The following SORCS1 variants were observed in gnomAD, a reference collection of about 807,000 sequenced individuals.
SORCS1 encodes the protein sortilin related VPS10 domain containing receptor 1.
SORCS1 carries 60 observed loss-of-function variants against 146.1 expected under a neutral mutation model. That is an observed-to-expected ratio of 0.41 (90% confidence interval 0.33 to 0.51). The LOEUF is 0.51. SORCS1 is among the 20% of genes least tolerant of loss of function. The pLI is 0.21. For missense variants in SORCS1, 1,352 were observed against 1,487.6 expected (o/e 0.91, Z 1.50); for synonymous variants, 637 against 584.0 (o/e 1.09, Z -1.31).
intron 1 of SORCS1, among the ~76,000 whole-genome samples, chr10:106,977,107 T>C (rs533904951): frequency 4.4e-4 from 67 of 152,330 alleles, no homozygotes; most frequent in African/African-American, 1.5e-3. Flanking sequence ...CCCTGAGGAA[T>C]CACCACACTG....
chr10:106,773,368 G>A (rs878182), intron 4 of SORCS1, among the ~76,000 whole-genome samples: 38,075 of 152,002 alleles, frequency 0.25, 5,050 homozygotes, highest in Non-Finnish European at 0.29. Flanking sequence ...TTTTATTTCC[G>A]TATCACTGAC....
chr10:107,146,573 G>A (rs976212567), intron 1 of SORCS1, among the ~76,000 whole-genome samples: 1 of 152,016 alleles, frequency 6.6e-6, no homozygotes, highest in Admixed American at 6.5e-5. Context: ...TGTATGTCAG[G>A]TATACACCAG....
chr10:106,706,036 C>T (rs112886505), intron 8 of SORCS1, among the ~76,000 whole-genome samples: 53 of 152,262 alleles, frequency 3.5e-4, no homozygotes, highest in African/African-American at 1.2e-3. Context: ...CAGAAATGGA[C>T]GGCAGCTGTT....
intron 18 of SORCS1, among the ~76,000 whole-genome samples, chr10:106,647,564 A>C (rs1849541941): frequency 6.6e-6 from 1 of 152,230 alleles, no homozygotes; most frequent in Non-Finnish European, 1.5e-5. Flanking sequence ...TGGAACCACA[A>C]ATAGTCAATT....
intron 19 of SORCS1, among the ~76,000 whole-genome samples, chr10:106,627,720 T>C (rs978687150): frequency 1.3e-5 from 2 of 152,216 alleles, no homozygotes; most frequent in African/African-American, 2.4e-5. Flanking sequence ...ACACTGCTTC[T>C]AACCAAAATG....
At chr10:106,704,425 C>CAA (rs1854360420) in intron 8 of SORCS1, among the ~76,000 whole-genome samples, 1 of 152,030 alleles carries the variant, frequency 6.6e-6, no homozygotes, top group African/African-American at 2.4e-5. Context: ...GGCTCAGTGG[C>CAA]TCACACCTGT....
At chr10:107,093,469 T>C (rs993389561) in intron 1 of SORCS1, among the ~76,000 whole-genome samples, 1 of 152,092 alleles carries the variant, frequency 6.6e-6, no homozygotes, top group African/African-American at 2.4e-5. Flanking sequence ...GGTCAAGAGA[T>C]AGAAACCATC....
intron 3 of SORCS1, among the ~76,000 whole-genome samples, chr10:106,817,062 C>T (rs1947781518): frequency 6.6e-6 from 1 of 152,160 alleles, no homozygotes; most frequent in Non-Finnish European, 1.5e-5. Flanking sequence ...TTAAATAATG[C>T]ACTAATAAAG....
At chr10:107,148,904 C>T (rs1272725485) in intron 1 of SORCS1, among the ~76,000 whole-genome samples, 2 of 152,158 alleles carry the variant, frequency 1.3e-5, no homozygotes, top group Admixed American at 1.3e-4. Context: ...TCTTTCTTAC[C>T]TAATTTTTGT....
At chr10:107,160,395 A>G (rs1368237381) in intron 1 of SORCS1, among the ~76,000 whole-genome samples, 1 of 152,182 alleles carries the variant, frequency 6.6e-6, no homozygotes, top group African/African-American at 2.4e-5. Context: ...AATGACAATA[A>G]TAACACCTAC....
chr10:106,653,531 T>A (rs821963), intron 17 of SORCS1, among the ~76,000 whole-genome samples: 149,177 of 152,294 alleles, frequency 0.98, 73,127 homozygotes, highest in East Asian at 1. Flanking sequence ...CAACTACTTA[T>A]CTCTGCACTT....
chr10:106,877,029 C>A (rs139257545), intron 2 of SORCS1, among the ~76,000 whole-genome samples: 264 of 152,270 alleles, frequency 1.7e-3, no homozygotes, highest in African/African-American at 6.0e-3. Context: ...AGACATTTAC[C>A]TAATGATTCT....
chr10:107,018,575 T>C (rs546087295), intron 1 of SORCS1, among the ~76,000 whole-genome samples: 2 of 152,202 alleles, frequency 1.3e-5, no homozygotes, highest in East Asian at 1.9e-4. Flanking sequence ...TCCTATGTCA[T>C]ATAAAACTTA....
intron 5 of SORCS1, among the ~76,000 whole-genome samples, chr10:106,742,288 C>T (rs1317277706): frequency 1.3e-5 from 2 of 152,174 alleles, no homozygotes; most frequent in African/African-American, 4.8e-5. Context: ...TCTACATATA[C>T]ATACTGAGAT....
chr10:107,006,014 C>T (rs1957428005), intron 1 of SORCS1, among the ~76,000 whole-genome samples: 1 of 152,102 alleles, frequency 6.6e-6, no homozygotes, highest in Non-Finnish European at 1.5e-5. Context: ...TTTTGACCCA[C>T]CTCCCCTTCA....
chr10:107,144,900 T>C (rs542285256), intron 1 of SORCS1, among the ~76,000 whole-genome samples: 1 of 152,184 alleles, frequency 6.6e-6, no homozygotes, highest in Non-Finnish European at 1.5e-5. Context: ...GTGACAAATA[T>C]CCACATCACG....
intron 2 of SORCS1, among the ~76,000 whole-genome samples, chr10:106,901,323 G>T (rs970925625): frequency 6.6e-6 from 1 of 152,142 alleles, no homozygotes; most frequent in African/African-American, 2.4e-5. Flanking sequence ...ATGCAAACCA[G>T]ACATGGTAGA....
chr10:106,626,593 T>C (rs1237442217), intron 19 of SORCS1, among the ~76,000 whole-genome samples: 2 of 152,182 alleles, frequency 1.3e-5, no homozygotes, highest in African/African-American at 4.8e-5. Context: ...GCTTTGAGCA[T>C]AAAGTGATGC....
intron 2 of SORCS1, among the ~76,000 whole-genome samples, chr10:106,899,287 A>G (rs1025681211): frequency 6.6e-6 from 1 of 152,222 alleles, no homozygotes. Context: ...TTTGGCAAGA[A>G]AAGTAAAACA....
Sources: gnomAD v4.1 joint callset for allele counts (sites outside exome capture counted in the v4.1 genomes callset) on GRCh38, gnomAD v4.1.1 for gene constraint, MANE v1.5 for transcripts, NCBI Gene and HGNC (gene_info 2026-07-23, HGNC 2026-07-21) for gene names.